ZFHX3: variants seen among roughly 807,000 people sequenced by gnomAD.
The protein encoded by ZFHX3 is zinc finger homeobox protein 3.
In ZFHX3, 42 loss-of-function variants were observed where a neutral mutation model predicts 279.1. The observed-to-expected ratio is 0.15, with a 90% CI of 0.12 to 0.19. The LOEUF (loss-of-function observed/expected upper bound fraction) is 0.19, where lower values mean the gene tolerates loss of function less well. Among genes scored for constraint, ZFHX3 ranks in the 10% least tolerant of loss-of-function variants. The pLI, the probability that ZFHX3 is intolerant of heterozygous loss-of-function variation, is 1.00. For synonymous variants in ZFHX3, 2,293 were observed against 1,957.8 expected (o/e 1.17, Z -4.52); for missense variants, 4,981 against 4,754.0 (o/e 1.05, Z -1.40).
At chr16:73,050,344 G>C (rs1273818428), upstream of ZFHX3, among the ~76,000 whole-genome samples, 1 of 152,208 alleles carries the variant, frequency 6.6e-6, no homozygotes, top group African/African-American at 2.4e-5. Context: ...TGAGAGGCCT[G>C]ACAAGTAGAA....
intron 1 of ZFHX3, among the ~76,000 whole-genome samples, chr16:73,887,775 T>C (rs919087228): frequency 1.3e-5 from 2 of 152,178 alleles, no homozygotes; most frequent in African/African-American, 2.4e-5. Flanking sequence ...TTGGGTAACT[T>C]AAAACAGCCC....
chr16:73,336,072 C>G (rs2015906386), intron 3 of ZFHX3, among the ~76,000 whole-genome samples: 1 of 152,178 alleles, frequency 6.6e-6, no homozygotes, highest in African/African-American at 2.4e-5. Flanking sequence ...GCTCCACACC[C>G]AGGCTCCCAT....
chr16:73,071,358 C>G (rs552093126), intron 8 of ZFHX3, among the ~76,000 whole-genome samples: 2 of 151,972 alleles, frequency 1.3e-5, no homozygotes, highest in Non-Finnish European at 2.9e-5. Flanking sequence ...CCAGGCTCCC[C>G]TGCCTTCCCC....
At chr16:73,118,362 C>T (rs1271342471) in intron 7 of ZFHX3, among the ~76,000 whole-genome samples, 1 of 152,124 alleles carries the variant, frequency 6.6e-6, no homozygotes, top group Non-Finnish European at 1.5e-5. Context: ...ATGTGTGCCA[C>T]CATGCCTGCC....
In ZFHX3 at chr16:72,785,098, C is replaced by CACTT. The variant is rs1263793379; in HGVS notation, c.*2062_*2065dup. 6.6e-6 allele frequency: 1 copy of CACTT among 152,622 alleles called. No homozygotes were observed. The highest frequency in any genetic ancestry group is 6.5e-5 in the Admixed American group (1 of 15,280). The allele number at this position is 152,622 out of a possible 1,614,324, so 9.5% of individuals were successfully genotyped here. A position where few individuals can be genotyped will look rare whatever the true frequency, so the allele number is the denominator to read the frequency against. On this transcript the variant is annotated 3_prime_UTR_variant, in exon 10 of 10. Transcript: ENST00000268489. The stretch of plus-strand genomic sequence containing the variant: ...GAAAACGAAGGGAAGAAGGATTTCA[C>CACTT]ACTTTGGGGGCAAGGGGAGATGGTT...
intron 2 of ZFHX3, among the ~76,000 whole-genome samples, chr16:73,555,174 A>C (rs896573709): frequency 2.0e-5 from 3 of 151,926 alleles, no homozygotes; most frequent in African/African-American, 7.3e-5. Context: ...ATTTTTTTTG[A>C]GGAGGAGTCT....
intron 1 of ZFHX3, among the ~76,000 whole-genome samples, chr16:72,985,950 T>C (rs937814527): frequency 9.9e-5 from 15 of 152,180 alleles, no homozygotes; most frequent in African/African-American, 2.9e-4. Flanking sequence ...TTATGATAAT[T>C]GCAGGGTCCC....
intron 5 of ZFHX3, among the ~76,000 whole-genome samples, chr16:73,212,244 T>C (rs2012046590): frequency 6.6e-6 from 1 of 152,120 alleles, no homozygotes; most frequent in African/African-American, 2.4e-5. Flanking sequence ...TTAGCCTGTT[T>C]TCTTTCTGTG....
At chr16:73,374,041 G>A (rs940806417) in intron 3 of ZFHX3, among the ~76,000 whole-genome samples, 6 of 152,120 alleles carry the variant, frequency 3.9e-5, no homozygotes, top group East Asian at 3.9e-4. Context: ...ACTGGGATGC[G>A]GCAGATTTGC....
At chr16:73,227,848 CAAAAAAAA>C (rs398029895) in intron 5 of ZFHX3, among the ~76,000 whole-genome samples, 1 of 46,040 alleles carries the variant, frequency 2.2e-5, no homozygotes, top group Non-Finnish European at 3.5e-5. Context: ...GATTCTGTCT[CAAAAAAAA>C]AAAAAAAAAA....
chr16:73,456,373 T>C (rs578197920), intron 2 of ZFHX3: 1 of 152,150 alleles, frequency 6.6e-6, no homozygotes, highest in African/African-American at 2.4e-5. Flanking sequence ...TCCTCCTTTA[T>C]CTTCTTCTGC....
At chr16:73,789,072 A>G (rs116203827) in intron 1 of ZFHX3, among the ~76,000 whole-genome samples, 8,234 of 150,646 alleles carry the variant, frequency 0.055, 614 homozygotes, top group African/African-American at 0.17. Context: ...TATATCATAT[A>G]TATCTTATAA....
intron 2 of ZFHX3, among the ~76,000 whole-genome samples, chr16:73,562,460 G>C (rs928884473): frequency 1.3e-5 from 2 of 152,104 alleles, no homozygotes; most frequent in African/African-American, 4.8e-5. Flanking sequence ...GCTGGGCGTG[G>C]TAGCGTGCGC....
At chr16:73,267,297 G>A (rs924724306) in intron 4 of ZFHX3, among the ~76,000 whole-genome samples, 1 of 152,078 alleles carries the variant, frequency 6.6e-6, no homozygotes, top group African/African-American at 2.4e-5. Flanking sequence ...TGGGTCTGGG[G>A]CACAGGGTCT....
intron 4 of ZFHX3, among the ~76,000 whole-genome samples, chr16:73,271,005 T>A (rs1408801146): frequency 6.6e-6 from 1 of 152,252 alleles, no homozygotes; most frequent in Admixed American, 6.5e-5. Context: ...GATTTCGTTT[T>A]GTTCTGTTTT....
At chr16:73,105,349 AT>A (rs1334714510) in intron 7 of ZFHX3, among the ~76,000 whole-genome samples, 1 of 122,102 alleles carries the variant, frequency 8.2e-6, no homozygotes, top group East Asian at 2.1e-4. Context: ...GTGTATATAT[AT>A]ATACACATAT....
chr16:72,901,783 C>T (rs1257638946), intron 3 of ZFHX3, among the ~76,000 whole-genome samples: 2 of 152,180 alleles, frequency 1.3e-5, no homozygotes, highest in African/African-American at 2.4e-5. Flanking sequence ...GTATGCAGAA[C>T]GGACGGCCAC....
intron 1 of ZFHX3, among the ~76,000 whole-genome samples, chr16:73,711,875 C>A (rs1367351061): frequency 2.6e-5 from 4 of 152,140 alleles, no homozygotes; most frequent in African/African-American, 9.7e-5. Context: ...GATCTCACAG[C>A]AAATCTATAA....
intron 1 of ZFHX3, among the ~76,000 whole-genome samples, chr16:73,808,137 C>T (rs1960332976): frequency 6.6e-6 from 1 of 152,020 alleles, no homozygotes; most frequent in Admixed American, 6.6e-5. Flanking sequence ...GACCAGTTTC[C>T]CTCCTGGGAA....
Sources: allele counts gnomAD v4.1 joint callset (sites outside exome capture counted in the v4.1 genomes callset), GRCh38; gene constraint gnomAD v4.1.1; transcripts MANE v1.5; gene names NCBI Gene and HGNC (gene_info 2026-07-23, HGNC 2026-07-21).